COG5: variants seen among roughly 807,000 people sequenced by gnomAD.
COG5 encodes component of oligomeric golgi complex 5.
In COG5, 86 loss-of-function variants were observed where a neutral mutation model predicts 110.4. The observed-to-expected ratio is 0.78, with a 90% CI of 0.65 to 0.93. The LOEUF is 0.93. COG5 is among the 40% of genes least tolerant of loss of function. COG5 has a pLI of 0.00. For synonymous variants in COG5, 360 were observed against 334.6 expected, an observed-to-expected ratio of 1.08 and a Z score of -0.83; for missense variants, 1,077 against 987.0, an observed-to-expected ratio of 1.09 and a Z score of -1.22.
intron 2 of COG5, among the ~76,000 whole-genome samples, chr7:107,557,216 T>C (rs1803389315): frequency 6.6e-6 from 1 of 152,204 alleles, no homozygotes; most frequent in Non-Finnish European, 1.5e-5. Flanking sequence ...CAAGTGGATA[T>C]GTCTCAGGTT....
intron 10 of COG5, among the ~76,000 whole-genome samples, chr7:107,355,966 G>A (rs1463362321): frequency 2.6e-5 from 4 of 152,176 alleles, no homozygotes; most frequent in Admixed American, 1.3e-4. Context: ...ACACATTAGA[G>A]TTTGCTCTTA....
chr7:107,431,570 A>G (rs1012579115), intron 6 of COG5, among the ~76,000 whole-genome samples: 2 of 152,228 alleles, frequency 1.3e-5, no homozygotes, highest in African/African-American at 2.4e-5. Flanking sequence ...TTGGGGCATC[A>G]TCAAACTCTA....
intron 14 of COG5, among the ~76,000 whole-genome samples, chr7:107,275,878 C>T (rs527722405): frequency 7.2e-5 from 11 of 152,108 alleles, no homozygotes; most frequent in Non-Finnish European, 1.2e-4. Flanking sequence ...GCTCATATGT[C>T]TCTATACCAT....
intron 5 of COG5, among the ~76,000 whole-genome samples, chr7:107,538,163 A>C (rs1044865235): frequency 6.6e-6 from 1 of 152,148 alleles, no homozygotes; most frequent in African/African-American, 2.4e-5. Context: ...CTTTGTAACC[A>C]CATGTACAGT....
chr7:107,503,156 T>C (rs189045226), intron 6 of COG5, among the ~76,000 whole-genome samples: 1 of 152,192 alleles, frequency 6.6e-6, no homozygotes, highest in African/African-American at 2.4e-5. Context: ...AAGTCTTTGA[T>C]CCATCTTGGG....
intron 5 of COG5, chr7:107,547,909 C>A: frequency 3.4e-6 from 2 of 590,550 alleles, no homozygotes; most frequent in Non-Finnish European, 3.0e-6. Context: ...CAATTATACA[C>A]TGCAATGACA....
At chr7:107,320,541 A>G (rs1380925528) in intron 11 of COG5, among the ~76,000 whole-genome samples, 1 of 152,196 alleles carries the variant, frequency 6.6e-6, no homozygotes, top group East Asian at 1.9e-4. Flanking sequence ...AAGATTCAGT[A>G]ATCAGCACAA....
Position 107,257,823 on chromosome 7 carries a change from T to C in COG5, c.1686+450A>G, listed in dbSNP as rs544041601. Among the ~76,000 whole-genome samples the C allele has an allele frequency of 1.1e-4, 17 of 152,290 alleles. No homozygotes were observed. In the South Asian group the frequency reaches 3.3e-3, roughly 30 times the overall value. On this transcript the variant is annotated intron_variant, in intron 15 of 21. Transcript: ENST00000297135. ...TAAGCAGTCATCAGTGATTATATCA[T>C]AAAAATTCAGTTTTGAATACAGCTC... is the stretch of plus-strand genomic sequence containing the variant.
intron 6 of COG5, among the ~76,000 whole-genome samples, chr7:107,504,678 C>A (rs1027759847): frequency 3.9e-5 from 6 of 151,970 alleles, no homozygotes; most frequent in Non-Finnish European, 8.8e-5. Context: ...AATCTTGCTG[C>A]TTGTTATTGG....
chr7:107,434,621 A>T (rs189798384), intron 6 of COG5, among the ~76,000 whole-genome samples: 1 of 152,316 alleles, frequency 6.6e-6, no homozygotes, highest in Non-Finnish European at 1.5e-5. Flanking sequence ...TTAAAAAAAG[A>T]TAAAAAGAAA....
intron 7 of COG5, among the ~76,000 whole-genome samples, chr7:107,400,942 G>A (rs545080400): frequency 3.5e-4 from 54 of 152,180 alleles, no homozygotes; most frequent in Admixed American, 1.4e-3. Flanking sequence ...GGTAGACAGA[G>A]AGAAAAAGAG....
At chr7:107,462,208 C>T (rs545080288) in intron 6 of COG5, among the ~76,000 whole-genome samples, 39 of 152,246 alleles carry the variant, frequency 2.6e-4, no homozygotes, top group African/African-American at 8.9e-4. Context: ...GAAGACAATA[C>T]TAGACACCAG....
chr7:107,509,836 G>A (rs1033823117), intron 6 of COG5, among the ~76,000 whole-genome samples: 1 of 149,676 alleles, frequency 6.7e-6, no homozygotes, highest in African/African-American at 2.5e-5. Flanking sequence ...ATCCTTTACA[G>A]ACAAGCAAAT....
chr7:107,248,851 T>C (rs1802262284), intron 16 of COG5, among the ~76,000 whole-genome samples: 1 of 152,222 alleles, frequency 6.6e-6, no homozygotes, highest in African/African-American at 2.4e-5. Context: ...ACAAAAGAGT[T>C]AGGCAGGACC....
chr7:107,488,970 T>G (rs570695607), intron 6 of COG5, among the ~76,000 whole-genome samples: 1 of 152,334 alleles, frequency 6.6e-6, no homozygotes, highest in Admixed American at 6.5e-5. Context: ...CATTTTCCAT[T>G]TTTAGAGACC....
chr7:107,438,756 G>A (rs1479284303), intron 6 of COG5, among the ~76,000 whole-genome samples: 3 of 152,158 alleles, frequency 2.0e-5, no homozygotes, highest in African/African-American at 7.2e-5. Context: ...CGATTTAAGT[G>A]CTTGAAAAGA....
At chr7:107,210,419 C>T in intron 21 of COG5, 107 bp downstream of exon 21, 1 of 1,513,386 alleles carries the variant, frequency 6.6e-7, no homozygotes. Flanking sequence ...CTGGAAGGTG[C>T]AGTCACATGT....
chr7:107,286,711 C>A (rs1466832214), intron 12 of COG5, among the ~76,000 whole-genome samples: 1 of 152,150 alleles, frequency 6.6e-6, no homozygotes, highest in Admixed American at 6.6e-5. Flanking sequence ...TGGCACTTCT[C>A]TTGTTTTTTT....
intron 10 of COG5, among the ~76,000 whole-genome samples, chr7:107,326,238 T>A (rs1002644199): frequency 6.6e-6 from 1 of 151,950 alleles, no homozygotes; most frequent in African/African-American, 2.4e-5. Context: ...CCCTCTAAGA[T>A]CAGGAACAAG....
Sources: allele counts gnomAD v4.1 joint callset (sites outside exome capture counted in the v4.1 genomes callset), GRCh38; gene constraint gnomAD v4.1.1; transcripts MANE v1.5; gene names NCBI Gene and HGNC (gene_info 2026-07-23, HGNC 2026-07-21).